MDN1: variants seen among roughly 807,000 people sequenced by gnomAD.
MDN1 encodes the protein midasin AAA ATPase 1.
Under a neutral mutation model 669.2 loss-of-function variants are expected in MDN1, and 266 were observed. The observed-to-expected ratio is 0.40, with a 90% CI of 0.36 to 0.44. MDN1 has a LOEUF of 0.44. Ranked by LOEUF, MDN1 falls within the 20% of genes least tolerant of loss-of-function variation. The probability of loss-of-function intolerance (pLI) is 1.00; values close to 1 mark genes in which losing one functional copy is unlikely to be tolerated. For synonymous variants in MDN1, 2,385 were observed against 2,457.1 expected (o/e 0.97, Z 0.87); for missense variants, 5,940 against 6,754.0 (o/e 0.88, Z 4.22).
At chr6:89,781,376 G>A in intron 10 of MDN1, 23 bp downstream of exon 10, 2 of 1,603,484 alleles carry the variant, frequency 1.2e-6, no homozygotes, top group Non-Finnish European at 1.7e-6. Flanking sequence ...AGAAAGAAAA[G>A]AAAAAACTGT....
chr6:89,701,105 A>AT lies in MDN1; in HGVS notation c.8428-250dup, dbSNP rs551161168. On this transcript the variant is annotated intron_variant, in intron 55 of 101. Coordinates refer to ENST00000369393, the MANE Select transcript of MDN1 (RefSeq NM_014611.3). ...CAAATTACTAAACAGGATTCATGGG[A>AT]TAGAGCCTGCCCTCTTGTTATGTGC... Among the ~76,000 whole-genome samples, 577 of 152,358 alleles carry AT rather than the reference A, an allele frequency of 3.8e-3. 4 individuals are homozygous for AT. Among genetic ancestry groups the AT allele is most frequent in the African/African-American group, 0.013 (531 of 41,586 alleles).
chr6:89,658,537 T>C, intron 89 of MDN1, 73 bp downstream of exon 89: 1 of 1,543,702 alleles, frequency 6.5e-7, no homozygotes, highest in Non-Finnish European at 8.8e-7. Context: ...CTAAAAGGGA[T>C]TCTAATGGGA....
rs573225082 is a variant in MDN1, at chr6:89,645,223, C to A, written c.16460-66G>T. The A allele has an allele frequency of 5.3e-6, 8 of 1,512,846 alleles. No individual in the cohort carries two copies. In the Admixed American group the frequency reaches 9.2e-5, roughly 17 times the overall value. 93.7% of individuals were successfully genotyped at this position (1,512,846 alleles called of 1,614,324 possible). On this transcript the variant is annotated intron_variant, in intron 100 of 101. Coordinates refer to ENST00000369393, the MANE Select transcript of MDN1 (RefSeq NM_014611.3). ...AGCCATTTTTAATAACTCACAACTACCCAAAGTAGGACAAATTAGTGTAGG... is the reference window on the plus strand; with the variant it reads ...AGCCATTTTTAATAACTCACAACTAACCAAAGTAGGACAAATTAGTGTAGG...
chr6:89,692,690 G>A lies in MDN1; in HGVS notation c.10340C>T (p.Pro3447Leu). ...TALLAFPSVG[P>L]TFPTYYAHAD... ...ATGAGCATAGTAAGTCGGGAAGGTG[G>A]GGCCCACCGATGGGAAAGCCAGCAA... Residue 3447 changes from proline (P) to leucine (L), a missense_variant, in exon 63 of 102, where the codon CCC becomes CTC. Physicochemically the swap from Pro to Leu is moderately conservative, Grantham distance 98. This residue lies in a region of MDN1 where 150 missense variants were observed against 234.2 expected (regional missense o/e 0.64). Transcript: ENST00000369393. The A allele has an allele frequency of 1.9e-6, 3 of 1,614,182 alleles. No homozygotes were observed. The highest frequency in any genetic ancestry group is 1.7e-6 in the Non-Finnish European group (2 of 1,180,020).
Position 89,723,098 on chromosome 6 carries a change from C to G in MDN1, c.5824G>C (p.Gly1942Arg). The change falls in exon 40 of 102, where the codon GGA becomes CGA. Residue 1942 changes from glycine (G) to arginine (R), a missense_variant. Physicochemically the swap from Gly to Arg is moderately radical, Grantham distance 125. Transcript: ENST00000369393. The part of the protein sequence containing the change: ...TVEKKWGQKG[G>R]PWEFNLRDLF... ...TCCCGGAGGTTGAATTCCCAGGGTCCTCCTTTTTGCCCCCATTTCTTCTCA... is the reference window on the plus strand; with the variant it reads ...TCCCGGAGGTTGAATTCCCAGGGTCGTCCTTTTTGCCCCCATTTCTTCTCA... 1 of 1,614,124 alleles carries G rather than the reference C, an allele frequency of 6.2e-7. No individual in the cohort carries two copies. Among genetic ancestry groups the G allele is most frequent in the South Asian group, 1.1e-5 (1 of 91,078 alleles).
At chr6:89,706,962 G>A (rs1299736495) in intron 52 of MDN1, among the ~76,000 whole-genome samples, 1 of 151,840 alleles carries the variant, frequency 6.6e-6, no homozygotes. Context: ...AAAAAACATG[G>A]GAGAAATGCT....
chr6:89,703,439 C>T (rs942637476), intron 53 of MDN1, among the ~76,000 whole-genome samples: 2 of 151,618 alleles, frequency 1.3e-5, no homozygotes, highest in Non-Finnish European at 2.9e-5. Flanking sequence ...CAATACCATA[C>T]GGTTTTGTTT....
chr6:89,809,073 C>T (rs1031063405), intron 1 of MDN1, among the ~76,000 whole-genome samples: 12 of 151,216 alleles, frequency 7.9e-5, no homozygotes, highest in Non-Finnish European at 8.8e-5. Flanking sequence ...AAAAATTAGC[C>T]GGACATGGTG....
At chr6:89,740,122 C>A in intron 32 of MDN1, 112 bp downstream of exon 32, 1 of 1,240,904 alleles carries the variant, frequency 8.1e-7, no homozygotes, top group Non-Finnish European at 1.1e-6. Context: ...CACTTTTTAC[C>A]CACTTTTTAC....
chr6:89,737,873 AC>A (rs1485931589), intron 33 of MDN1, among the ~76,000 whole-genome samples: 2 of 151,714 alleles, frequency 1.3e-5, no homozygotes, highest in African/African-American at 2.4e-5. Context: ...ACAGGTGCCC[AC>A]CACCACACCC....
intron 27 of MDN1, 132 bp downstream of exon 27, chr6:89,747,197 G>A: frequency 9.8e-7 from 1 of 1,024,850 alleles, no homozygotes. Flanking sequence ...TGTTAGAACT[G>A]GAGGGAAACA....
chr6:89,656,636 A>C, intron 91 of MDN1, 64 bp downstream of exon 91: 1 of 1,141,856 alleles, frequency 8.8e-7, no homozygotes. Context: ...TTAAAGCACT[A>C]CGTTTGGAAC....
intron 83 of MDN1, among the ~76,000 whole-genome samples, chr6:89,670,286 T>C (rs111366186): frequency 0.046 from 6,916 of 148,778 alleles, 533 homozygotes; most frequent in African/African-American, 0.16. Flanking sequence ...ACAATTCTCC[T>C]GTCTCAGCCT....
Position 89,710,677 on chromosome 6 carries a change from A to ATACCTG in MDN1, c.7763_7765+3dup. 1 of 1,521,462 alleles carries ATACCTG rather than the reference A, an allele frequency of 6.6e-7. No homozygotes were observed. The highest frequency in any genetic ancestry group is 8.9e-7 in the Non-Finnish European group (1 of 1,121,426). The allele number at this position is 1,521,462 out of a possible 1,614,324, so 94.2% of individuals were successfully genotyped here. ...GCTGAGAGCTAGAAATCAAAAGTGCATACCTGTTGTATTTGGTTGTAATAT... is the reference window on the plus strand; with the variant it reads ...GCTGAGAGCTAGAAATCAAAAGTGCATACCTGTACCTGTTGTATTTGGTTGTAATAT... On this transcript the variant is annotated splice_donor_region_variant and intron_variant, in intron 50 of 101. Coordinates refer to ENST00000369393, the MANE Select transcript of MDN1 (RefSeq NM_014611.3).
At position 89,756,312 on chromosome 6, in the gene MDN1, C is replaced by T; in HGVS notation, c.2781G>A (p.Leu927=). 6.3e-7 allele frequency: 1 copy of T among 1,599,850 alleles called. No homozygotes were observed. The highest frequency in any genetic ancestry group is 1.1e-5 in the South Asian group (1 of 88,308). Residue 927 remains leucine, a synonymous_variant, in exon 20 of 102, where the codon TTG becomes TTA. Coordinates refer to ENST00000369393, the MANE Select transcript of MDN1 (RefSeq NM_014611.3). ...QVLIVDYLKG[L]SVNKNTVQGI... Reference sequence around the variant, plus strand: ...CTTGCACTGTATTCTTGTTCACACTCAATCCTTTCAGATAATCTACAATAA... The same window carrying T: ...CTTGCACTGTATTCTTGTTCACACTTAATCCTTTCAGATAATCTACAATAA...
At position 89,658,838 on chromosome 6, in the gene MDN1, G is replaced by C. The variant is rs746125928; in HGVS notation, c.14793C>G (p.Asp4931Glu). 2.5e-6 allele frequency: 4 copies of C among 1,614,094 alleles called. No individual in the cohort carries two copies. Among genetic ancestry groups the C allele is most frequent in the Non-Finnish European group, 2.5e-6 (3 of 1,180,012 alleles). ...CCTGTGGACTCTGACTTTCGTTCTG[G>C]TCGGTCTCGGTCTCTCCTCTTTCCT... ...EAEERGETETDQNESQSPQEP... is the reference protein window; with the variant it reads ...EAEERGETETEQNESQSPQEP... Residue 4931 changes from aspartate (D) to glutamate (E), a missense_variant, in exon 89 of 102, where the codon GAC becomes GAG. By Grantham distance (45) the Asp-to-Glu change is conservative (BLOSUM62 2). Coordinates refer to ENST00000369393, the MANE Select transcript of MDN1 (RefSeq NM_014611.3).
chr6:89,700,705 CT>C lies in MDN1; in HGVS notation c.8578del (p.Ser2860ValfsTer8). The C allele has an allele frequency of 6.2e-7, 1 of 1,614,208 alleles. No homozygotes were observed. Among genetic ancestry groups the C allele is most frequent in the Non-Finnish European group, 8.5e-7 (1 of 1,180,032 alleles). The stretch of plus-strand genomic sequence containing the variant: ...GATCAGTCCCCAGGCTTGCAGGAGA[CT>C]TTTCTTTAATGTCCACTGAGAAGCA... Reference protein sequence around the residue: ...VVASQWTLKKSLLQAWGLILR... With the variant: ...VVASQWTLKKXLLQAWGLILR... On this transcript the variant is annotated frameshift_variant, in exon 56 of 102. Transcript: ENST00000369393. LOFTEE classifies it high-confidence loss of function.
At chr6:89,764,484 A>G (rs1194154235) in intron 15 of MDN1, among the ~76,000 whole-genome samples, 1 of 152,174 alleles carries the variant, frequency 6.6e-6, no homozygotes, top group Non-Finnish European at 1.5e-5. Context: ...GTGCCCCTGT[A>G]GTCCCAGTTA....
At chr6:89,817,840 A>ACT (rs10657409) in intron 1 of MDN1, among the ~76,000 whole-genome samples, 151,333 of 152,274 alleles carry the variant, frequency 0.99, 75,204 homozygotes, top group Middle Eastern at 1. Context: ...ACGACGGATA[A>ACT]CTGTTGTAAG....
Sources: gnomAD v4.1 joint callset for allele counts (sites outside exome capture counted in the v4.1 genomes callset) on GRCh38, gnomAD v4.1.1 for gene constraint, gnomAD v4.1.1 regional missense constraint, MANE v1.5 for transcripts, NCBI Gene and HGNC (gene_info 2026-07-23, HGNC 2026-07-21) for gene names.